KIF16B: variants seen among roughly 807,000 people sequenced by gnomAD.
The protein encoded by KIF16B is kinesin-like protein KIF16B.
KIF16B carries 98 observed loss-of-function variants against 156.3 expected under a neutral mutation model. The ratio of observed to expected loss-of-function variants is 0.63; its 90% CI spans 0.53 to 0.74. The LOEUF (loss-of-function observed/expected upper bound fraction) is 0.74. KIF16B is among the 30% of genes least tolerant of loss of function. The probability of loss-of-function intolerance (pLI) is 0.00; values close to 1 mark genes in which losing one functional copy is unlikely to be tolerated. For missense variants in KIF16B, 1,421 were observed against 1,606.5 expected, an observed-to-expected ratio of 0.88 and a Z score of 1.97; for synonymous variants, 564 against 583.7, an observed-to-expected ratio of 0.97 and a Z score of 0.49.
At chr20:16,514,582 G>GAAATAAAA (rs2069071208) in intron 4 of KIF16B, among the ~76,000 whole-genome samples, 1 of 76,948 alleles carries the variant, frequency 1.3e-5, no homozygotes, top group African/African-American at 5.6e-5. Context: ...TAAGAAATAA[G>GAAATAAAA]AAAAAAAAAA....
intron 1 of KIF16B, among the ~76,000 whole-genome samples, chr20:16,563,733 C>A (rs570096538): frequency 1.7e-4 from 26 of 152,286 alleles, no homozygotes; most frequent in African/African-American, 6.3e-4. Flanking sequence ...TAAAATAAAG[C>A]AACAGAAGTT....
At chr20:16,466,123 A>G (rs1390516255) in intron 12 of KIF16B, among the ~76,000 whole-genome samples, 1 of 152,260 alleles carries the variant, frequency 6.6e-6, no homozygotes, top group Non-Finnish European at 1.5e-5. Flanking sequence ...TGGGCAAAAT[A>G]TTACTAACCA....
rs200453591 is a variant in KIF16B at position 16,430,652 on chromosome 20, A to G, written c.1303-670T>C. Among the ~76,000 whole-genome samples, 3 of 150,432 alleles carry G rather than the reference A, an allele frequency of 2.0e-5. No homozygotes were observed. In the East Asian group the frequency reaches 5.9e-4, roughly 29 times the overall value. Reference sequence around the variant, plus strand: ...TTCCTTCCCTCTTACTCTCTCTTGAACTCCCTCTATGAAGGTTATTGTCTT... The same window carrying G: ...TTCCTTCCCTCTTACTCTCTCTTGAGCTCCCTCTATGAAGGTTATTGTCTT... On this transcript the variant is annotated intron_variant, in intron 12 of 25. Coordinates refer to ENST00000354981, the MANE Select transcript of KIF16B (RefSeq NM_024704.5).
intron 12 of KIF16B, among the ~76,000 whole-genome samples, chr20:16,456,096 C>CCAATA (rs56823966): frequency 0.18 from 26,329 of 143,264 alleles, 2,566 homozygotes; most frequent in Middle Eastern, 0.22. Context: ...TCTACTGGAG[C>CCAATA]CAATACAATA....
chr20:16,310,693 T>C (rs554578095), intron 25 of KIF16B, among the ~76,000 whole-genome samples: 1 of 152,334 alleles, frequency 6.6e-6, no homozygotes, highest in Non-Finnish European at 1.5e-5. Context: ...TTTTGTATGA[T>C]ACAATCAAAC....
At position 16,428,429 on chromosome 20, in the gene KIF16B, C is replaced by T. The variant is rs1337927795; in HGVS notation, c.1474+524G>A. ...CTCTTAAAGCCTGTAAGGACCTCAT[C>T]TGTGTAGGCTAAGTCACTGATTATT... On this transcript the variant is annotated intron_variant, in intron 14 of 25. Coordinates refer to ENST00000354981, the MANE Select transcript of KIF16B (RefSeq NM_024704.5). 2.0e-5 allele frequency among the ~76,000 whole-genome samples: 3 copies of T among 152,160 alleles called. No individual in the cohort carries two copies. In the East Asian group the frequency reaches 5.8e-4, roughly 29 times the overall value.
At chr20:16,348,385 C>G (rs930119078) in intron 23 of KIF16B, among the ~76,000 whole-genome samples, 2 of 152,200 alleles carry the variant, frequency 1.3e-5, no homozygotes, top group Admixed American at 1.3e-4. Context: ...TTGGGCAAGT[C>G]ATTCATAATT....
chr20:16,542,515 G>A (rs550549497), intron 1 of KIF16B, among the ~76,000 whole-genome samples: 30 of 152,330 alleles, frequency 2.0e-4, no homozygotes, highest in Admixed American at 1.0e-3. Flanking sequence ...GGACTAACAG[G>A]CAGAGGCAAA....
intron 3 of KIF16B, among the ~76,000 whole-genome samples, chr20:16,519,375 A>G (rs2069253114): frequency 6.6e-6 from 1 of 152,166 alleles, no homozygotes; most frequent in Admixed American, 6.5e-5. Context: ...CAGCTCCCCA[A>G]GTAGCTGGGA....
At chr20:16,317,512 AACT>A (rs2063714460) in intron 24 of KIF16B, among the ~76,000 whole-genome samples, 1 of 152,244 alleles carries the variant, frequency 6.6e-6, no homozygotes, top group Non-Finnish European at 1.5e-5. Context: ...TTCCCCTTAC[AACT>A]TTTTTGGAGA....
At chr20:16,459,239 A>G (rs745399393) in intron 12 of KIF16B, among the ~76,000 whole-genome samples, 3 of 152,232 alleles carry the variant, frequency 2.0e-5, no homozygotes, top group Non-Finnish European at 4.4e-5. Context: ...CATGAAATGT[A>G]GTCCCTGACC....
At chr20:16,392,390 A>G (rs757624619) in intron 17 of KIF16B, among the ~76,000 whole-genome samples, 3 of 152,222 alleles carry the variant, frequency 2.0e-5, no homozygotes, top group Non-Finnish European at 2.9e-5. Context: ...TGACGTCTAT[A>G]GTGGGTGGCC....
intron 12 of KIF16B, among the ~76,000 whole-genome samples, chr20:16,468,660 G>A (rs1177378706): frequency 6.6e-6 from 1 of 151,356 alleles, no homozygotes; most frequent in Non-Finnish European, 1.5e-5. Context: ...AATGTGTATG[G>A]CATAACAATA....
At chr20:16,430,333 G>A (rs928313269) in intron 12 of KIF16B, among the ~76,000 whole-genome samples, 1 of 152,042 alleles carries the variant, frequency 6.6e-6, no homozygotes, top group Non-Finnish European at 1.5e-5. Flanking sequence ...CTTAGTTGAT[G>A]GCTTTTCTCT....
intron 12 of KIF16B, among the ~76,000 whole-genome samples, chr20:16,462,510 T>C (rs1275524773): frequency 2.0e-5 from 3 of 152,120 alleles, no homozygotes; most frequent in African/African-American, 7.2e-5. Flanking sequence ...TTCCCTGTCT[T>C]ATACATATTT....
intron 12 of KIF16B, among the ~76,000 whole-genome samples, chr20:16,434,602 ATC>A (rs547264622): frequency 6.6e-6 from 1 of 152,198 alleles, no homozygotes; most frequent in Non-Finnish European, 1.5e-5. Flanking sequence ...GTAAATTAAG[ATC>A]TCTTTAGGAA....
intron 13 of KIF16B, 57 bp downstream of exon 13, chr20:16,429,806 G>C (rs572440303): frequency 6.9e-7 from 1 of 1,447,466 alleles, no homozygotes; most frequent in East Asian, 2.3e-5. Context: ...AACCTAGTTA[G>C]TGTCTAATGG....
intron 1 of KIF16B, among the ~76,000 whole-genome samples, chr20:16,537,958 C>T (rs948245284): frequency 6.6e-6 from 1 of 152,078 alleles, no homozygotes; most frequent in African/African-American, 2.4e-5. Flanking sequence ...CACACCTTGG[C>T]CTCCCAAAGT....
At chr20:16,556,433 C>G (rs2070850726) in intron 1 of KIF16B, among the ~76,000 whole-genome samples, 1 of 152,186 alleles carries the variant, frequency 6.6e-6, no homozygotes, top group South Asian at 2.1e-4. Flanking sequence ...TATATGTGGT[C>G]AGTAAATGCT....
Sources: allele counts gnomAD v4.1 joint callset (sites outside exome capture counted in the v4.1 genomes callset), GRCh38; gene constraint gnomAD v4.1.1; transcripts MANE v1.5; gene names NCBI Gene and HGNC (gene_info 2026-07-23, HGNC 2026-07-21).